The following TMEM254 variants were observed in gnomAD, a reference collection of about 807,000 sequenced individuals.
TMEM254 encodes the protein transmembrane protein 254.
A neutral mutation model predicts 13.9 loss-of-function variants in TMEM254; 16 were observed. That is an observed-to-expected ratio of 1.15 (90% CI 0.78 to 1.75). The LOEUF (loss-of-function observed/expected upper bound fraction) is 1.75. Among genes scored for constraint, TMEM254 ranks in the 40% most tolerant of loss-of-function variants. The pLI is 0.00. For missense variants in TMEM254, 155 were observed against 149.0 expected (o/e 1.04, Z -0.21); for synonymous variants, 61 against 56.4 (o/e 1.08, Z -0.36).
At chr10:80,079,558 A>G in intron 1 of TMEM254, 2 of 1,007,932 alleles carry the variant, frequency 2.0e-6, no homozygotes, top group Non-Finnish European at 2.4e-6. Context: ...TTAAGTGGTA[A>G]GGGAGGATAA....
chr10:80,090,869 T>A lies in TMEM254; in HGVS notation c.324T>A (p.Ser108=). The change falls in exon 4 of 4, where the codon TCT becomes TCA. Residue 108 remains serine (S), a synonymous_variant. Coordinates refer to ENST00000372281, the MANE Select transcript of TMEM254 (RefSeq NM_025125.4). ...AGACTTTCTTCTTTGGGATAGCGTC[T>A]CTCACCATCTTGATTGCTTACAAAC... is the stretch of plus-strand genomic sequence containing the variant. ...FLQTFFFGIA[S]LTILIAYKRK... is the part of the protein sequence containing the mutation. 6.2e-7 allele frequency: 1 copy of A among 1,614,182 alleles called. No individual in the cohort carries two copies. Among genetic ancestry groups the A allele is most frequent in the Non-Finnish European group, 8.5e-7 (1 of 1,180,010 alleles).
intron 1 of TMEM254, chr10:80,079,371 C>T: frequency 8.6e-7 from 1 of 1,169,516 alleles, no homozygotes; most frequent in Non-Finnish European, 1.1e-6. Context: ...GTCTTTGGGT[C>T]CTCACCTCTG....
intron 3 of TMEM254, chr10:80,086,124 T>A (rs1031291252): frequency 8.5e-6 from 5 of 591,258 alleles, no homozygotes; most frequent in African/African-American, 7.9e-5. Context: ...GGAAAAAGTG[T>A]ACTCACAAAG....
chr10:80,081,635 TC>T, intron 1 of TMEM254: 1 of 1,520,040 alleles, frequency 6.6e-7, no homozygotes, highest in East Asian at 2.5e-5. Context: ...GCCACTGCAC[TC>T]CAGCCCCAGC....
intron 2 of TMEM254, 53 bp from the exon 3 acceptor site, chr10:80,082,092 C>T (rs939612792): frequency 1.9e-6 from 3 of 1,600,444 alleles, no homozygotes; most frequent in African/African-American, 2.7e-5. Context: ...TGTTAGATTT[C>T]ATCAGCAGAT....
chr10:80,085,417 AT>A (rs1844265109), intron 3 of TMEM254, among the ~76,000 whole-genome samples: 1 of 151,944 alleles, frequency 6.6e-6, no homozygotes, highest in African/African-American at 2.4e-5. Context: ...GAAAAAAAAA[AT>A]TAGCTGGGTG....
chr10:80,079,266 G>A lies in TMEM254; in HGVS notation c.87+480G>A. On this transcript the variant is annotated intron_variant, in intron 1 of 3. Coordinates refer to ENST00000372281, the MANE Select transcript of TMEM254 (RefSeq NM_025125.4). ...GGGCGAGGGGAGCTCTGGGAACGGGGCCTGTGCGCACGCGCATCTGACGGT... is the reference window on the plus strand; with the variant it reads ...GGGCGAGGGGAGCTCTGGGAACGGGACCTGTGCGCACGCGCATCTGACGGT... 5 of 1,225,626 alleles carry A rather than the reference G, an allele frequency of 4.1e-6. No individual in the cohort carries two copies. The South Asian group carries it at 7.1e-5, about 17-fold the overall frequency. The allele number at this position is 1,225,626 out of a possible 1,614,324, so 75.9% of individuals were successfully genotyped here.
At chr10:80,087,901 T>G (rs1222320593) in intron 3 of TMEM254, among the ~76,000 whole-genome samples, 2 of 152,116 alleles carry the variant, frequency 1.3e-5, no homozygotes, top group Non-Finnish European at 2.9e-5. Context: ...GGTCTTTTTA[T>G]TCTGTTGGGC....
chr10:80,086,280 A>G lies in TMEM254; in HGVS notation c.251+4076A>G, dbSNP rs1461779411. The stretch of plus-strand genomic sequence containing the variant: ...AAAGGTATGTGAATGAGAACAAGTT[A>G]TGATGACCCCAGGAAAACCCTTCTC... On this transcript the variant is annotated intron_variant, in intron 3 of 3. Transcript: ENST00000372281. The G allele has an allele frequency of 7.5e-6, 11 of 1,467,064 alleles. No homozygotes were observed. In the Admixed American group the frequency reaches 1.2e-4, roughly 16 times the overall value. 90.9% of individuals were successfully genotyped at this position (1,467,064 alleles called of 1,614,324 possible). A position where few individuals can be genotyped will look rare whatever the true frequency, so the allele number is the denominator to read the frequency against.
intron 1 of TMEM254, 72 bp downstream of exon 1, chr10:80,078,858 C>T: frequency 6.5e-7 from 1 of 1,538,000 alleles, no homozygotes; most frequent in Non-Finnish European, 8.8e-7. Context: ...GACCTGGGCT[C>T]ACAGGCCGCG....
At chr10:80,079,317 A>T (rs1384939619) in intron 1 of TMEM254, 6 of 1,197,884 alleles carry the variant, frequency 5.0e-6, no homozygotes, top group African/African-American at 3.2e-5. Flanking sequence ...TGTAAGCGGA[A>T]ATTCGGTGGG....
At chr10:80,078,887 A>T in intron 1 of TMEM254, 101 bp downstream of exon 1, 2 of 1,531,350 alleles carry the variant, frequency 1.3e-6, no homozygotes, top group Non-Finnish European at 1.8e-6. Flanking sequence ...GAAGTCGTGC[A>T]AGCACAATCC....
intron 1 of TMEM254, 35 bp downstream of exon 1, chr10:80,078,821 A>C: frequency 6.4e-7 from 1 of 1,568,522 alleles, no homozygotes; most frequent in South Asian, 1.2e-5. Context: ...CGGTCTGACG[A>C]ACGAGCGAGC....
chr10:80,083,222 G>C (rs988585027), intron 3 of TMEM254, among the ~76,000 whole-genome samples: 4 of 150,062 alleles, frequency 2.7e-5, no homozygotes, highest in African/African-American at 9.8e-5. Flanking sequence ...TTCTGCCTCA[G>C]CTTCCCCAGT....
intron 1 of TMEM254, among the ~76,000 whole-genome samples, chr10:80,081,079 A>AAAATAAAT (rs148327670): frequency 1.5e-3 from 233 of 151,496 alleles, no homozygotes; most frequent in Non-Finnish European, 2.1e-3. Flanking sequence ...AACTCCATCT[A>AAAATAAAT]AAATAAATAA....
In TMEM254 at chr10:80,078,972, G is replaced by T. The variant is rs951364185; in HGVS notation, c.87+186G>T. On this transcript the variant is annotated intron_variant, in intron 1 of 3. Coordinates refer to ENST00000372281, the MANE Select transcript of TMEM254 (RefSeq NM_025125.4). ...AGAGCAAGCATACTGGTCCGCCAGG[G>T]TCTTGGGCGGGCGCCCAGGGCCCTG... 3 of 1,539,764 alleles carry T rather than the reference G, an allele frequency of 1.9e-6. No individual in the cohort carries two copies. In the African/African-American group the frequency reaches 4.1e-5, roughly 21 times the overall value.
chr10:80,080,551 T>C (rs1318194047), intron 1 of TMEM254, among the ~76,000 whole-genome samples: 1 of 152,234 alleles, frequency 6.6e-6, no homozygotes, highest in Non-Finnish European at 1.5e-5. Context: ...GAGGTTTGGC[T>C]GGAGCCAGTT....
At chr10:80,085,237 A>G (rs1051524776) in intron 3 of TMEM254, among the ~76,000 whole-genome samples, 2 of 152,134 alleles carry the variant, frequency 1.3e-5, no homozygotes, top group African/African-American at 4.8e-5. Flanking sequence ...ATCATTAGTC[A>G]CTATGAATCA....
chr10:80,089,685 G>GA (rs1485566244), intron 3 of TMEM254, among the ~76,000 whole-genome samples: 1 of 151,364 alleles, frequency 6.6e-6, no homozygotes, highest in East Asian at 1.9e-4. Flanking sequence ...CTCTGGGGGG[G>GA]TTGGAAAAAG....
Sources: gnomAD v4.1 joint callset for allele counts (sites outside exome capture counted in the v4.1 genomes callset) on GRCh38, gnomAD v4.1.1 for gene constraint, MANE v1.5 for transcripts, NCBI Gene and HGNC (gene_info 2026-07-23, HGNC 2026-07-21) for gene names.